Variants in PFKFB3 observed in about 807,000 individuals in gnomAD.
PFKFB3 encodes 6-phosphofructo-2-kinase/fructose-2,6-bisphosphatase 3.
Under a neutral mutation model 68.0 loss-of-function variants are expected in PFKFB3, and 33 were observed. The observed-to-expected ratio is 0.49, with a 90% CI of 0.37 to 0.65. The LOEUF is 0.65. PFKFB3 is among the 30% of genes least tolerant of loss of function. The probability of loss-of-function intolerance (pLI) is 0.00; values close to 1 mark genes in which losing one functional copy is unlikely to be tolerated. For missense variants in PFKFB3, 586 were observed against 712.2 expected (o/e 0.82, Z 2.02); for synonymous variants, 315 against 288.2 (o/e 1.09, Z -0.94).
Position 6,197,418 on chromosome 10 carries a change from G to C in PFKFB3, c.17-16205G>C, listed in dbSNP as rs1010080531. On this transcript the variant is annotated intron_variant, in intron 1 of 14. Transcript: ENST00000379789. ...TACCATGTAACCTAGATGTGTAGTA[G>C]GCTCTGCCATCTAGGTTTGTGTAAG... Among the ~76,000 whole-genome samples, 7 of 152,290 alleles carry C rather than the reference G, an allele frequency of 4.6e-5. No individual in the cohort carries two copies. The East Asian group carries it at 1.3e-3, about 29-fold the overall frequency.
At chr10:6,180,807 C>T (rs569947677) in intron 1 of PFKFB3, among the ~76,000 whole-genome samples, 1 of 152,250 alleles carries the variant, frequency 6.6e-6, no homozygotes, top group East Asian at 1.9e-4. Flanking sequence ...ATTCTGTGTT[C>T]TGAGTGCTTT....
chr10:6,210,470 C>T lies in PFKFB3; in HGVS notation c.77-3153C>T, dbSNP rs1204237714. On this transcript the variant is annotated intron_variant, in intron 1 of 14. Coordinates refer to ENST00000379775, the MANE Select transcript of PFKFB3 (RefSeq NM_004566.4). ...CCGCCTCCCGGGTTCACGCCATTCT[C>T]CTGCCTCAGCCTCCCGAGTAGCTGG... Among the ~76,000 whole-genome samples, 3 of 113,888 alleles carry T rather than the reference C, an allele frequency of 2.6e-5. 1 individual carries two copies. The highest frequency in any genetic ancestry group is 1.9e-4 in the Admixed American group (2 of 10,530). The allele number at this position is 113,888 out of a possible 152,430, so 74.7% of individuals were successfully genotyped here. A position where few individuals can be genotyped will look rare whatever the true frequency, so the allele number is the denominator to read the frequency against.
chr10:6,184,760 C>T (rs910361006), intron 1 of PFKFB3, among the ~76,000 whole-genome samples: 1 of 143,596 alleles, frequency 7.0e-6, no homozygotes, highest in Non-Finnish European at 1.5e-5. Context: ...GTGTGAGTCA[C>T]CGCGCCTGGC....
intron 14 of PFKFB3, among the ~76,000 whole-genome samples, chr10:6,245,418 T>TTATTAC (rs1215094125): frequency 2.0e-5 from 3 of 149,946 alleles, no homozygotes; most frequent in East Asian, 1.9e-4. Context: ...ATTATTATTA[T>TTATTAC]TATTACTATT....
the PFKFB3 span, among the ~76,000 whole-genome samples, chr10:6,260,706 C>T: frequency 6.6e-6 from 1 of 152,162 alleles, no homozygotes; most frequent in Non-Finnish European, 1.5e-5. Context: ...TTCATACTTG[C>T]TGTTTCATTA....
the PFKFB3 span, among the ~76,000 whole-genome samples, chr10:6,272,391 C>T: frequency 3.0e-3 from 455 of 152,240 alleles, 1 homozygote; most frequent in African/African-American, 0.01. Context: ...TTCTGGCCAA[C>T]GTGTTGAAAT....
At chr10:6,292,346 G>A in the PFKFB3 span, among the ~76,000 whole-genome samples, 6 of 125,020 alleles carry the variant, frequency 4.8e-5, no homozygotes, top group East Asian at 2.4e-4. Flanking sequence ...GTGCAGTGGC[G>A]CAATCTCGGC....
At chr10:6,291,090 T>A in the PFKFB3 span, among the ~76,000 whole-genome samples, 4,724 of 152,166 alleles carry the variant, frequency 0.031, 224 homozygotes, top group African/African-American at 0.11. Context: ...AACAAGAAAA[T>A]AATCAGGATA....
the PFKFB3 span, among the ~76,000 whole-genome samples, chr10:6,273,994 C>T: frequency 1.3e-5 from 2 of 152,028 alleles, no homozygotes; most frequent in African/African-American, 4.8e-5. Context: ...TCACTTGAGC[C>T]CAGGAGACTG....
Position 6,209,017 on chromosome 10 carries a change from C to T in PFKFB3, c.77-4606C>T, listed in dbSNP as rs145553102. Reference sequence around the variant, plus strand: ...TTAGCCCAAAGGCACTACTCAGCCACATTGACCCTGTATCCCCCAAGTAGC... The same window carrying T: ...TTAGCCCAAAGGCACTACTCAGCCATATTGACCCTGTATCCCCCAAGTAGC... On this transcript the variant is annotated intron_variant, in intron 1 of 14. Coordinates refer to ENST00000379775, the MANE Select transcript of PFKFB3 (RefSeq NM_004566.4). Among the ~76,000 whole-genome samples the T allele has an allele frequency of 5.9e-5, 9 of 152,356 alleles. No individual in the cohort carries two copies. In the East Asian group the frequency reaches 1.5e-3, roughly 26 times the overall value.
At chr10:6,181,775 G>A (rs987656482) in intron 1 of PFKFB3, among the ~76,000 whole-genome samples, 6 of 149,586 alleles carry the variant, frequency 4.0e-5, no homozygotes, top group African/African-American at 2.5e-5. Flanking sequence ...TCCAGCCTGG[G>A]CGATAGAGTA....
At chr10:6,232,865 C>T (rs375600796) in intron 14 of PFKFB3, 30 bp from the exon 15 acceptor site, 37 of 1,598,544 alleles carry the variant, frequency 2.3e-5, no homozygotes, top group Non-Finnish European at 3.0e-5. Context: ...TCCTAACTCC[C>T]TCCCCACCTC....
Position 6,154,025 on chromosome 10 carries a change from A to C in PFKFB3, c.16+9012A>C, listed in dbSNP as rs181375952. Among the ~76,000 whole-genome samples the C allele has an allele frequency of 2.0e-5, 3 of 152,260 alleles. No individual in the cohort carries two copies. The highest frequency in any genetic ancestry group is 4.4e-5 in the Non-Finnish European group (3 of 68,008). On this transcript the variant is annotated intron_variant, in intron 1 of 14. Transcript: ENST00000379789. The surrounding 1 kb of genome is among the most constrained non-coding windows in gnomAD (Gnocchi z 4.6). ...GCTCAGGAGCATGTCCAAATAGGGA[A>C]GTGCGAGGCAAAGGTCCTGTGGCCA...
At chr10:6,202,140 G>A (rs1232094219), upstream of PFKFB3, among the ~76,000 whole-genome samples, 3 of 152,218 alleles carry the variant, frequency 2.0e-5, no homozygotes, top group Non-Finnish European at 4.4e-5. Context: ...TGTACATGGT[G>A]AGTGTGAAAA....
chr10:6,182,827 A>C (rs750509565), intron 1 of PFKFB3, among the ~76,000 whole-genome samples: 1 of 152,210 alleles, frequency 6.6e-6, no homozygotes, highest in Non-Finnish European at 1.5e-5. Flanking sequence ...GTCCATGGCC[A>C]GGGCAGGAGG....
At chr10:6,177,354 CTCTTTCTT>C (rs71294418) in intron 1 of PFKFB3, among the ~76,000 whole-genome samples, 1,729 of 77,884 alleles carry the variant, frequency 0.022, 44 homozygotes, top group Middle Eastern at 0.068. Flanking sequence ...CTTTTCTTTT[CTCTTTCTT>C]TCTTTCTTTC....
the PFKFB3 span, among the ~76,000 whole-genome samples, chr10:6,272,802 A>G: frequency 1.3e-5 from 2 of 152,188 alleles, no homozygotes; most frequent in Non-Finnish European, 2.9e-5. Context: ...GCCAAGGGCT[A>G]TGTGGGAAGA....
At chr10:6,166,981 C>T (rs759141774) in intron 1 of PFKFB3, among the ~76,000 whole-genome samples, 12 of 152,152 alleles carry the variant, frequency 7.9e-5, no homozygotes, top group Non-Finnish European at 1.3e-4. Flanking sequence ...AGGCATGCAC[C>T]ACCATGCCCT....
intron 1 of PFKFB3, among the ~76,000 whole-genome samples, chr10:6,212,149 C>G (rs576896619): frequency 1.3e-5 from 2 of 152,356 alleles, no homozygotes; most frequent in Non-Finnish European, 2.9e-5. Context: ...TGAGGACAGC[C>G]AGGCTAACCA....
Sources: gnomAD v4.1 joint callset for allele counts (sites outside exome capture counted in the v4.1 genomes callset) on GRCh38, gnomAD v4.1.1 for gene constraint, Gnocchi (gnomAD v3.1) non-coding constraint, MANE v1.5 for transcripts, NCBI Gene and HGNC (gene_info 2026-07-23, HGNC 2026-07-21) for gene names.